Variants in MGAT4C observed in about 807,000 individuals in gnomAD.
The protein encoded by MGAT4C is MGAT4 family member C, also known as alpha-1,3-mannosyl-glycoprotein 4-beta-N-acetylglucosaminyltransferase C.
In MGAT4C, 19 loss-of-function variants were observed where a neutral mutation model predicts 40.1. The ratio of observed to expected loss-of-function variants is 0.47; its 90% CI spans 0.33 to 0.70. MGAT4C has a LOEUF of 0.70. Ranked by LOEUF, MGAT4C falls within the 30% of genes least tolerant of loss-of-function variation. MGAT4C has a pLI of 0.02. For missense variants in MGAT4C, 491 were observed against 563.2 expected, an observed-to-expected ratio of 0.87 and a Z score of 1.30; for synonymous variants, 181 against 187.1, an observed-to-expected ratio of 0.97 and a Z score of 0.27.
chr12:86,640,578 A>T (rs937873691), intron 2 of MGAT4C, among the ~76,000 whole-genome samples: 11 of 151,942 alleles, frequency 7.2e-5, no homozygotes, highest in Non-Finnish European at 1.5e-4. Context: ...AATTTTTTGA[A>T]GGGTTTTTTG....
intron 2 of MGAT4C, among the ~76,000 whole-genome samples, chr12:86,031,861 A>T (rs1311892973): frequency 6.6e-6 from 1 of 151,910 alleles, no homozygotes; most frequent in Non-Finnish European, 1.5e-5. Flanking sequence ...TTATTTCATT[A>T]CCCAGGTAAT....
chr12:86,655,938 T>C (rs1334227591), intron 2 of MGAT4C, among the ~76,000 whole-genome samples: 3 of 151,948 alleles, frequency 2.0e-5, no homozygotes, highest in Non-Finnish European at 2.9e-5. Context: ...GTTGTGTGAG[T>C]TGGTTGAGTT....
chr12:86,072,667 C>T lies in MGAT4C; in HGVS notation c.-56-22944G>A, dbSNP rs549134163. ...GATGAGTAAGCAGGTAGATGGAGAGCGAAACAGAGTGGAGGAGGATGGAAT... is the reference window on the plus strand; with the variant it reads ...GATGAGTAAGCAGGTAGATGGAGAGTGAAACAGAGTGGAGGAGGATGGAAT... On this transcript the variant is annotated intron_variant, in intron 1 of 4. Transcript: ENST00000611864. Among the ~76,000 whole-genome samples, 73 of 151,764 alleles carry T rather than the reference C, an allele frequency of 4.8e-4. 1 individual carries two copies. The highest frequency in any genetic ancestry group is 2.7e-3 in the South Asian group (13 of 4,800).
intron 2 of MGAT4C, among the ~76,000 whole-genome samples, chr12:86,617,799 A>C (rs967062213): frequency 4.6e-5 from 7 of 152,154 alleles, no homozygotes; most frequent in Non-Finnish European, 7.4e-5. Flanking sequence ...GCTAACACTC[A>C]AAGTACAAGC....
chr12:86,800,812 A>G lies in MGAT4C; in HGVS notation c.-262+37854T>C, dbSNP rs556350020. Among the ~76,000 whole-genome samples the G allele has an allele frequency of 9.9e-5, 15 of 151,888 alleles. No homozygotes were observed. In the South Asian group the frequency reaches 2.7e-3, roughly 27 times the overall value. The stretch of plus-strand genomic sequence containing the variant: ...CAAAATTTTGTCAGGCTTTCTGAGT[A>G]ATTTTCTCCACTAGGCCCCAACCTC... On this transcript the variant is annotated intron_variant, in intron 1 of 7. Transcript: ENST00000548651.
chr12:86,508,666 G>C (rs925215469), intron 2 of MGAT4C, among the ~76,000 whole-genome samples: 1 of 149,154 alleles, frequency 6.7e-6, no homozygotes, highest in Non-Finnish European at 1.5e-5. Context: ...CTAGTTTACA[G>C]TCCCACCAAC....
At chr12:86,505,472 A>G (rs533774456) in intron 2 of MGAT4C, among the ~76,000 whole-genome samples, 27 of 152,298 alleles carry the variant, frequency 1.8e-4, no homozygotes, top group Middle Eastern at 3.4e-3. Flanking sequence ...TTCTATACAT[A>G]CATAAACCAG....
At position 86,623,824 on chromosome 12, in the gene MGAT4C, G is replaced by A. The variant is rs543489111; in HGVS notation, c.-229+103385C>T. 4.6e-5 allele frequency among the ~76,000 whole-genome samples: 7 copies of A among 152,282 alleles called. No individual in the cohort carries two copies. In the South Asian group the frequency reaches 8.3e-4, roughly 18 times the overall value. ...AATATATTTAGGAAGATTGAGCTTT[G>A]TGGTGTTTTAATTTAGCCCATCTCC... On this transcript the variant is annotated intron_variant, in intron 2 of 7. Coordinates refer to the MGAT4C transcript ENST00000548651.
chr12:86,801,310 G>A (rs1054069569), intron 1 of MGAT4C, among the ~76,000 whole-genome samples: 1 of 151,846 alleles, frequency 6.6e-6, no homozygotes, highest in Non-Finnish European at 1.5e-5. Flanking sequence ...CATTTTTTAA[G>A]TAATAAAAAA....
At chr12:86,494,395 G>A (rs953746886) in intron 2 of MGAT4C, among the ~76,000 whole-genome samples, 5 of 151,524 alleles carry the variant, frequency 3.3e-5, no homozygotes, top group Non-Finnish European at 7.4e-5. Flanking sequence ...TTTAGATTTT[G>A]TTTCAATTTT....
At chr12:86,640,507 G>T (rs186136179) in intron 2 of MGAT4C, among the ~76,000 whole-genome samples, 2 of 151,566 alleles carry the variant, frequency 1.3e-5, no homozygotes, top group African/African-American at 4.8e-5. Context: ...TTCTTTATTA[G>T]TCTTGCTAGT....
intron 1 of MGAT4C, among the ~76,000 whole-genome samples, chr12:86,132,107 T>C (rs1165237598): frequency 1.3e-5 from 2 of 152,310 alleles, no homozygotes; most frequent in East Asian, 1.9e-4. Context: ...GGGAAGTTTG[T>C]ACATATTTAT....
intron 3 of MGAT4C, among the ~76,000 whole-genome samples, chr12:86,346,810 A>G (rs1011353518): frequency 9.8e-5 from 15 of 152,290 alleles, no homozygotes; most frequent in East Asian, 3.9e-4. Flanking sequence ...CCGATCCTCA[A>G]TCTGGGTGGG....
At chr12:86,238,531 C>A (rs181975283) in intron 1 of MGAT4C, among the ~76,000 whole-genome samples, 39 of 152,110 alleles carry the variant, frequency 2.6e-4, no homozygotes, top group African/African-American at 9.4e-4. Context: ...AGGGGAAGCT[C>A]TAATGTACTG....
chr12:86,450,054 G>T (rs1957399009), intron 2 of MGAT4C, among the ~76,000 whole-genome samples: 4 of 151,942 alleles, frequency 2.6e-5, no homozygotes, highest in Admixed American at 2.0e-4. Flanking sequence ...GTATTGTGTT[G>T]CTTTGAACAT....
intron 1 of MGAT4C, among the ~76,000 whole-genome samples, chr12:86,820,636 A>C (rs1299592966): frequency 6.6e-6 from 1 of 150,788 alleles, no homozygotes; most frequent in Non-Finnish European, 1.5e-5. Flanking sequence ...TTTCAATTTT[A>C]ACTTTTTAAA....
At chr12:86,700,751 T>C (rs1190133822) in intron 2 of MGAT4C, among the ~76,000 whole-genome samples, 1 of 152,132 alleles carries the variant, frequency 6.6e-6, no homozygotes, top group Non-Finnish European at 1.5e-5. Flanking sequence ...TATTGATTCT[T>C]GCAAATATTT....
At chr12:86,438,806 G>A (rs923023018) in intron 2 of MGAT4C, among the ~76,000 whole-genome samples, 9 of 151,654 alleles carry the variant, frequency 5.9e-5, no homozygotes, top group African/African-American at 1.7e-4. Flanking sequence ...TGGAAACTGA[G>A]GGCAAGCAGG....
intron 4 of MGAT4C, among the ~76,000 whole-genome samples, chr12:85,982,190 G>GT (rs1047593553): frequency 4.5e-4 from 69 of 151,946 alleles, no homozygotes; most frequent in African/African-American, 1.5e-3. Flanking sequence ...TTTTGTTTTT[G>GT]TTTTTTTGAA....
Sources: allele counts gnomAD v4.1 joint callset (sites outside exome capture counted in the v4.1 genomes callset), GRCh38; gene constraint gnomAD v4.1.1; transcripts MANE v1.5; gene names NCBI Gene and HGNC (gene_info 2026-07-23, HGNC 2026-07-21).